KAZN: variants seen among roughly 807,000 people sequenced by gnomAD.
KAZN encodes the protein kazrin, periplakin interacting protein.
A neutral mutation model predicts 87.4 loss-of-function variants in KAZN; 40 were observed. The ratio of observed to expected loss-of-function variants is 0.46; its 90% confidence interval spans 0.36 to 0.60. KAZN has a LOEUF of 0.60. Ranked by LOEUF, KAZN falls within the 20% of genes least tolerant of loss-of-function variation. The pLI is 0.00. For synonymous variants in KAZN, 466 were observed against 458.3 expected, an observed-to-expected ratio of 1.02 and a Z score of -0.22; for missense variants, 898 against 1,073.9, an observed-to-expected ratio of 0.84 and a Z score of 2.29.
chr1:14,600,433 C>G (rs1453723237), intron 1 of KAZN, among the ~76,000 whole-genome samples: 2 of 152,106 alleles, frequency 1.3e-5, no homozygotes, highest in African/African-American at 2.4e-5. Flanking sequence ...AGATGTGAAG[C>G]CTGCCCACGT....
At chr1:14,319,852 G>A (rs1251760196) in intron 2 of KAZN, among the ~76,000 whole-genome samples, 3 of 152,160 alleles carry the variant, frequency 2.0e-5, no homozygotes, top group Non-Finnish European at 4.4e-5. Flanking sequence ...ATGATTTGAA[G>A]CAGAAGGTCT....
At chr1:14,140,702 C>T (rs147801886) in intron 1 of KAZN, among the ~76,000 whole-genome samples, 3,464 of 152,168 alleles carry the variant, frequency 0.023, 71 homozygotes, top group Non-Finnish European at 0.032. Context: ...CCACCACCCC[C>T]GCACCCCTGC....
At chr1:14,883,344 A>AGGGAGGGAGGG (rs1557586164) in intron 1 of KAZN, among the ~76,000 whole-genome samples, 2 of 29,672 alleles carry the variant, frequency 6.7e-5, no homozygotes, top group South Asian at 1.9e-3. Flanking sequence ...GAGAGAGAGA[A>AGGGAGGGAGGG]AGAAAGAAAG....
chr1:14,883,307 A>G (rs1298603860), intron 1 of KAZN, among the ~76,000 whole-genome samples: 1 of 52,458 alleles, frequency 1.9e-5, no homozygotes, highest in Non-Finnish European at 4.5e-5. Context: ...AAAGAAAGAA[A>G]GAAAGAAAGA....
At chr1:13,957,657 G>A (rs935729398) in intron 1 of KAZN, among the ~76,000 whole-genome samples, 5 of 152,114 alleles carry the variant, frequency 3.3e-5, no homozygotes, top group Admixed American at 1.3e-4. Flanking sequence ...TGCAGAGATC[G>A]CCGGGTGAGA....
chr1:14,734,308 C>CTT (rs57677032), intron 1 of KAZN, among the ~76,000 whole-genome samples: 7 of 118,148 alleles, frequency 5.9e-5, no homozygotes, highest in African/African-American at 9.6e-5. Context: ...TTTTTCTTTT[C>CTT]TTTTTTTTTT....
chr1:14,195,915 G>A (rs183013428), intron 2 of KAZN, among the ~76,000 whole-genome samples: 11 of 152,288 alleles, frequency 7.2e-5, no homozygotes, highest in African/African-American at 2.6e-4. Context: ...TGTGTCAGGC[G>A]ATGTATTGTA....
chr1:14,050,179 C>T (rs1034092941), intron 1 of KAZN, among the ~76,000 whole-genome samples: 1 of 148,764 alleles, frequency 6.7e-6, no homozygotes, highest in African/African-American at 2.5e-5. Context: ...GGTGTGTGCG[C>T]ACATGTGTGT....
chr1:13,966,742 AAC>A (rs1224114074), intron 1 of KAZN, among the ~76,000 whole-genome samples: 1 of 152,214 alleles, frequency 6.6e-6, no homozygotes, highest in Non-Finnish European at 1.5e-5. Context: ...ATTAGAATGA[AAC>A]ACAGTATAAT....
At chr1:14,419,822 C>T (rs1571599757) in intron 2 of KAZN, among the ~76,000 whole-genome samples, 2 of 152,080 alleles carry the variant, frequency 1.3e-5, no homozygotes, top group East Asian at 3.9e-4. Context: ...CGGGGTCTCG[C>T]TGGTCTCGGA....
At chr1:14,366,266 C>T (rs754125519) in intron 2 of KAZN, among the ~76,000 whole-genome samples, 1 of 152,186 alleles carries the variant, frequency 6.6e-6, no homozygotes, top group African/African-American at 2.4e-5. Context: ...ACCCTCTGAA[C>T]GTACAAATGA....
At chr1:15,055,346 A>G (rs536262343) in intron 4 of KAZN, among the ~76,000 whole-genome samples, 78 of 152,296 alleles carry the variant, frequency 5.1e-4, no homozygotes, top group African/African-American at 1.9e-3. Context: ...GCATGGTGGC[A>G]CATGCCTGTA....
intron 2 of KAZN, among the ~76,000 whole-genome samples, chr1:14,436,150 A>T (rs1046421838): frequency 6.6e-6 from 1 of 151,784 alleles, no homozygotes. Context: ...ACTCGCTTGA[A>T]CCCGGGAGGT....
At chr1:14,980,714 C>A (rs1420963618) in intron 2 of KAZN, among the ~76,000 whole-genome samples, 2 of 152,068 alleles carry the variant, frequency 1.3e-5, no homozygotes, top group Non-Finnish European at 2.9e-5. Context: ...GACAGAGAGG[C>A]AGGGGGTGTC....
intron 2 of KAZN, among the ~76,000 whole-genome samples, chr1:14,588,049 C>G (rs977481692): frequency 6.6e-6 from 1 of 152,172 alleles, no homozygotes. Context: ...CACTCTTGAG[C>G]TGTAAGACCT....
intron 1 of KAZN, among the ~76,000 whole-genome samples, chr1:14,750,777 G>A (rs779878266): frequency 5.3e-5 from 8 of 152,272 alleles, no homozygotes; most frequent in East Asian, 1.9e-4. Context: ...CTAGTCAGGC[G>A]GTAGGCAGGA....
intron 1 of KAZN, among the ~76,000 whole-genome samples, chr1:14,642,992 T>C (rs549020335): frequency 3.0e-4 from 45 of 152,310 alleles, no homozygotes; most frequent in African/African-American, 1.0e-3. Flanking sequence ...ATCCACCATG[T>C]GACTCAGCAG....
rs77582106 is a variant in KAZN, at chr1:15,028,506, A to G, written c.419-6243A>G. On this transcript the variant is annotated intron_variant, in intron 2 of 14. Coordinates refer to ENST00000376030, the MANE Select transcript of KAZN (RefSeq NM_201628.3). ...AAGGAGAGAAAAAAGCAGAGCTATGAGGAAGAAAGGAAGAGTTCCATTGCA... is the reference window on the plus strand; with the variant it reads ...AAGGAGAGAAAAAAGCAGAGCTATGGGGAAGAAAGGAAGAGTTCCATTGCA... Among the ~76,000 whole-genome samples the G allele has an allele frequency of 4.7e-3, 718 of 152,350 alleles. 4 individuals carry two copies. The highest frequency in any genetic ancestry group is 0.016 in the African/African-American group (684 of 41,570).
intron 1 of KAZN, among the ~76,000 whole-genome samples, chr1:14,165,622 T>A (rs1331762223): frequency 1.3e-5 from 2 of 152,186 alleles, no homozygotes; most frequent in Non-Finnish European, 2.9e-5. Context: ...AGGAAGCTGT[T>A]CAGGGTGGTT....
Sources: allele counts gnomAD v4.1 joint callset (sites outside exome capture counted in the v4.1 genomes callset), GRCh38; gene constraint gnomAD v4.1.1; transcripts MANE v1.5; gene names NCBI Gene and HGNC (gene_info 2026-07-23, HGNC 2026-07-21).